Variants in FNDC3B observed in about 807,000 individuals in gnomAD.
FNDC3B encodes fibronectin type III domain-containing protein 3B.
A neutral mutation model predicts 151.5 loss-of-function variants in FNDC3B; 12 were observed. That is an observed-to-expected ratio of 0.08 (90% CI 0.05 to 0.13). The LOEUF is 0.13. Among genes scored for constraint, FNDC3B ranks in the 10% least tolerant of loss-of-function variants. The probability of loss-of-function intolerance (pLI) is 1.00; values close to 1 mark genes in which losing one functional copy is unlikely to be tolerated. For missense variants in FNDC3B, 1,214 were observed against 1,505.3 expected (o/e 0.81, Z 3.20); for synonymous variants, 528 against 549.0 (o/e 0.96, Z 0.54).
chr3:172,190,180 G>C (rs759201691), intron 3 of FNDC3B, among the ~76,000 whole-genome samples: 11 of 152,092 alleles, frequency 7.2e-5, no homozygotes, highest in Non-Finnish European at 1.3e-4. Context: ...CCTTTATAAA[G>C]GTGCTTAATA....
At chr3:172,105,619 T>TAAA (rs537392799) in intron 1 of FNDC3B, among the ~76,000 whole-genome samples, 20 of 127,222 alleles carry the variant, frequency 1.6e-4, no homozygotes, top group East Asian at 6.8e-4. Context: ...ATTGTTTTCT[T>TAAA]AAAAAAAAAA....
At chr3:172,086,042 G>A (rs536844934) in intron 1 of FNDC3B, among the ~76,000 whole-genome samples, 2 of 152,290 alleles carry the variant, frequency 1.3e-5, no homozygotes, top group South Asian at 4.1e-4. Context: ...ATGAATGCTT[G>A]AGATTTGTTG....
chr3:172,092,418 G>C (rs779404670), intron 1 of FNDC3B, among the ~76,000 whole-genome samples: 1 of 152,180 alleles, frequency 6.6e-6, no homozygotes, highest in Non-Finnish European at 1.5e-5. Flanking sequence ...TATTAAGTGG[G>C]GGAGAAAATT....
At chr3:172,261,819 A>T (rs974634243) in intron 6 of FNDC3B, among the ~76,000 whole-genome samples, 3 of 151,974 alleles carry the variant, frequency 2.0e-5, no homozygotes, top group Admixed American at 6.6e-5. Context: ...TTTTCTCTGA[A>T]TTTGCTTTTT....
chr3:172,235,575 T>C (rs1031524518), intron 4 of FNDC3B, among the ~76,000 whole-genome samples: 1 of 152,204 alleles, frequency 6.6e-6, no homozygotes, highest in Non-Finnish European at 1.5e-5. Flanking sequence ...AGTGGGATAG[T>C]ACAGTAGTAG....
At chr3:172,201,151 C>CTCATTAGAG (rs1218576003) in intron 3 of FNDC3B, among the ~76,000 whole-genome samples, 1 of 152,206 alleles carries the variant, frequency 6.6e-6, no homozygotes, top group African/African-American at 2.4e-5. Flanking sequence ...CTCCCTGCCC[C>CTCATTAGAG]AGCCAGCCTC....
In FNDC3B at chr3:172,397,713, T is replaced by TA. The variant is rs1292987098; in HGVS notation, c.*239dup. The TA allele has an allele frequency of 3.6e-6, 1 of 280,544 alleles. No individual in the cohort carries two copies. The highest frequency in any genetic ancestry group is 2.2e-5 in the African/African-American group (1 of 45,556). The allele number at this position is 280,544 out of a possible 1,614,324, so 17.4% of individuals were successfully genotyped here. A position where few individuals can be genotyped will look rare whatever the true frequency, so the allele number is the denominator to read the frequency against. Reference sequence around the variant, plus strand: ...AAAAAAAGAAGAAAAGTATACCAGATACCAAAAGCTAGCTTTCTTATGTTT... The same window carrying TA: ...AAAAAAAGAAGAAAAGTATACCAGATAACCAAAAGCTAGCTTTCTTATGTTT... On this transcript the variant is annotated 3_prime_UTR_variant, in exon 26 of 26. Transcript: ENST00000415807.
rs1158412707 is a variant in FNDC3B at position 172,376,804 on chromosome 3, A to G, written c.3009-1466A>G. Among the ~76,000 whole-genome samples the G allele has an allele frequency of 2.0e-5, 3 of 151,952 alleles. No homozygotes were observed. In the South Asian group the frequency reaches 6.2e-4, roughly 32 times the overall value. ...CTTGATTGCAGAGGCTGATGAATAC[A>G]CACGTGGATATTTTAAAGTAAGCAT... On this transcript the variant is annotated intron_variant, in intron 23 of 25. Transcript: ENST00000415807.
At chr3:172,141,170 T>A (rs1721612436) in intron 3 of FNDC3B, among the ~76,000 whole-genome samples, 1 of 152,200 alleles carries the variant, frequency 6.6e-6, no homozygotes, top group Admixed American at 6.5e-5. Flanking sequence ...GATGGCATGA[T>A]TGTGGGCAAT....
intron 4 of FNDC3B, chr3:172,237,208 A>G (rs1438370674): frequency 1.3e-5 from 2 of 152,264 alleles, no homozygotes; most frequent in Non-Finnish European, 2.9e-5. Flanking sequence ...CAGTACCTTC[A>G]GCTGTGATTC....
chr3:172,121,630 C>T (rs1335341766), intron 2 of FNDC3B, among the ~76,000 whole-genome samples: 1 of 152,112 alleles, frequency 6.6e-6, no homozygotes, highest in African/African-American at 2.4e-5. Flanking sequence ...TTACAGTTTC[C>T]AAGAATTGAG....
intron 23 of FNDC3B, among the ~76,000 whole-genome samples, chr3:172,373,933 G>A (rs866667754): frequency 2.0e-5 from 3 of 152,340 alleles, no homozygotes; most frequent in Middle Eastern, 3.4e-3. Context: ...TATTGGAGGA[G>A]CAAGGGGAAC....
At position 172,151,424 on chromosome 3, in the gene FNDC3B, C is replaced by G. The variant is rs1329076290; in HGVS notation, c.187+17878C>G. Among the ~76,000 whole-genome samples, 4 of 152,270 alleles carry G rather than the reference C, an allele frequency of 2.6e-5. No homozygotes were observed. The East Asian group carries it at 7.7e-4, about 29-fold the overall frequency. ...CTTTATATGGAAACTATTTAGCTTT[C>G]TTTACTTACCGTCTCCCCGACTCCA... On this transcript the variant is annotated intron_variant, in intron 3 of 25. Transcript: ENST00000415807.
intron 23 of FNDC3B, among the ~76,000 whole-genome samples, chr3:172,363,971 G>T (rs954838963): frequency 6.6e-6 from 1 of 152,214 alleles, no homozygotes; most frequent in African/African-American, 2.4e-5. Context: ...TCTTGAAAGA[G>T]GTGACATTTG....
intron 2 of FNDC3B, among the ~76,000 whole-genome samples, chr3:172,122,963 G>A (rs949352324): frequency 1.3e-5 from 2 of 152,154 alleles, no homozygotes; most frequent in African/African-American, 4.8e-5. Flanking sequence ...GTTCTTGTTA[G>A]CCACACCTTA....
chr3:172,326,744 C>T (rs933127097), intron 11 of FNDC3B, among the ~76,000 whole-genome samples: 2 of 152,120 alleles, frequency 1.3e-5, no homozygotes, highest in Non-Finnish European at 2.9e-5. Flanking sequence ...GTCTTTTTCT[C>T]GTTTGAGCCA....
At chr3:172,075,201 G>A (rs751579546) in intron 1 of FNDC3B, among the ~76,000 whole-genome samples, 2 of 151,988 alleles carry the variant, frequency 1.3e-5, no homozygotes, top group East Asian at 3.9e-4. Flanking sequence ...TACGATACTT[G>A]TAGTTTTATA....
At chr3:172,045,925 A>G (rs970655999) in intron 1 of FNDC3B, among the ~76,000 whole-genome samples, 15 of 152,138 alleles carry the variant, frequency 9.9e-5, no homozygotes, top group African/African-American at 3.6e-4. Context: ...CCCAACTGGA[A>G]GGATGACTTG....
Position 172,352,567 on chromosome 3 carries a change from T to A in FNDC3B, c.2515-236T>A, listed in dbSNP as rs1440693027. On this transcript the variant is annotated intron_variant, in intron 21 of 25. Coordinates refer to ENST00000415807, the MANE Select transcript of FNDC3B (RefSeq NM_022763.4). The surrounding 1 kb of genome is among the most constrained non-coding windows in gnomAD (Gnocchi z 4.2). ...TCATGCAAATATAAAATATTATTTT[T>A]AAATTATTTGTCATAAGAAACGATG... Among the ~76,000 whole-genome samples the A allele has an allele frequency of 6.6e-6, 1 of 152,198 alleles. No individual in the cohort carries two copies. The highest frequency in any genetic ancestry group is 2.4e-5 in the African/African-American group (1 of 41,432).
Sources: gnomAD v4.1 joint callset for allele counts (sites outside exome capture counted in the v4.1 genomes callset) on GRCh38, gnomAD v4.1.1 for gene constraint, Gnocchi (gnomAD v3.1) non-coding constraint, MANE v1.5 for transcripts, NCBI Gene and HGNC (gene_info 2026-07-23, HGNC 2026-07-21) for gene names.